CEMIP: variants seen among roughly 807,000 people sequenced by gnomAD.
CEMIP encodes cell migration inducing hyaluronidase 1, also known as cell migration-inducing and hyaluronan-binding protein.
A neutral mutation model predicts 156.9 loss-of-function variants in CEMIP; 105 were observed. That is an observed-to-expected ratio of 0.67 (90% CI 0.57 to 0.79). CEMIP has a LOEUF of 0.79. Ranked by LOEUF, CEMIP falls within the 30% of genes least tolerant of loss-of-function variation. CEMIP has a pLI of 0.00. For synonymous variants in CEMIP, 676 were observed against 668.4 expected (o/e 1.01, Z -0.17); for missense variants, 1,457 against 1,769.4 (o/e 0.82, Z 3.17).
At chr15:80,927,902 G>A (rs759563852) in intron 19 of CEMIP, among the ~76,000 whole-genome samples, 10 of 152,068 alleles carry the variant, frequency 6.6e-5, no homozygotes, top group East Asian at 1.9e-4. Flanking sequence ...AATGGGCTTC[G>A]GAAAAAGAAA....
At chr15:80,843,467 G>A (rs1897474968) in intron 1 of CEMIP, among the ~76,000 whole-genome samples, 1 of 152,216 alleles carries the variant, frequency 6.6e-6, no homozygotes, top group Non-Finnish European at 1.5e-5. Flanking sequence ...ATGGATGACA[G>A]TTCTGGCTGG....
rs1391624412 is a variant in CEMIP at position 80,936,682 on chromosome 15, T to A, written c.3018T>A (p.Ile1006=). The part of the protein sequence containing the change: ...ICSGCYAQMY[I]QAYKTSNLRM... Reference sequence around the variant, plus strand: ...TTTTTGGGTTTTAAAAGATGTACATTCAAGCCTACAAGACCAGTAACCTGC... The same window carrying A: ...TTTTTGGGTTTTAAAAGATGTACATACAAGCCTACAAGACCAGTAACCTGC... The change falls in exon 24 of 30, where the codon ATT becomes ATA. Residue 1006 remains isoleucine, a synonymous_variant. Coordinates refer to ENST00000394685, the MANE Select transcript of CEMIP (RefSeq NM_001293298.2). The A allele has an allele frequency of 6.2e-7, 1 of 1,613,772 alleles. No homozygotes were observed. Among genetic ancestry groups the A allele is most frequent in the South Asian group, 1.1e-5 (1 of 91,088 alleles).
intron 12 of CEMIP, among the ~76,000 whole-genome samples, chr15:80,902,150 G>C (rs1899589745): frequency 6.6e-6 from 1 of 152,148 alleles, no homozygotes; most frequent in Non-Finnish European, 1.5e-5. Context: ...CTTGACCCTG[G>C]GGTACCTAGC....
chr15:80,897,435 G>T, intron 12 of CEMIP: 1 of 436,520 alleles, frequency 2.3e-6, no homozygotes, highest in Non-Finnish European at 4.6e-6. Context: ...AGGTCATGTG[G>T]TGGAGGCAGT....
At chr15:80,924,759 T>G in intron 18 of CEMIP, 53 bp downstream of exon 18, 1 of 1,427,918 alleles carries the variant, frequency 7.0e-7, no homozygotes, top group Non-Finnish European at 9.9e-7. Context: ...GTCCAGCTCC[T>G]GCCTCCCCCT....
At chr15:80,783,759 C>A (rs749302119) in intron 1 of CEMIP, among the ~76,000 whole-genome samples, 5 of 152,216 alleles carry the variant, frequency 3.3e-5, no homozygotes, top group Non-Finnish European at 7.4e-5. Context: ...GCCCCTAGTC[C>A]TTCTTTTTCT....
intron 1 of CEMIP, among the ~76,000 whole-genome samples, chr15:80,786,190 A>T (rs1895932920): frequency 6.6e-6 from 1 of 152,024 alleles, no homozygotes; most frequent in African/African-American, 2.4e-5. Flanking sequence ...TTTGGCAGTC[A>T]TATCAATAGT....
At chr15:80,834,624 C>G (rs748556853) in intron 1 of CEMIP, among the ~76,000 whole-genome samples, 1 of 152,154 alleles carries the variant, frequency 6.6e-6, no homozygotes, top group Non-Finnish European at 1.5e-5. Flanking sequence ...TTTCATTGGT[C>G]CATTTATGTA....
At chr15:80,847,057 G>C (rs1050871713) in intron 1 of CEMIP, among the ~76,000 whole-genome samples, 1 of 152,138 alleles carries the variant, frequency 6.6e-6, no homozygotes, top group Non-Finnish European at 1.5e-5. Flanking sequence ...GAGGTGGGGT[G>C]GGCAGGACAG....
rs7171592 is a variant in CEMIP, at chr15:80,798,134, G to A, written c.-176+18520G>A. On this transcript the variant is annotated intron_variant, in intron 1 of 29. Coordinates refer to ENST00000394685, the MANE Select transcript of CEMIP (RefSeq NM_001293298.2). ...ATAACCGTGTATTTCCTTATCACTT[G>A]GAAAGTACAGAAATGAAAAAGAAAA... Among the ~76,000 whole-genome samples the A allele has an allele frequency of 2.5e-3, 378 of 152,134 alleles. 4 individuals are homozygous for A. Among genetic ancestry groups the A allele is most frequent in the African/African-American group, 8.7e-3 (360 of 41,494 alleles).
intron 1 of CEMIP, among the ~76,000 whole-genome samples, chr15:80,791,806 AGCAGAGGCG>A (rs764942996): frequency 3.9e-5 from 6 of 152,214 alleles, no homozygotes; most frequent in Admixed American, 6.5e-5. Context: ...ACTGACCTGC[AGCAGAGGCG>A]GCAGAGGGAA....
At chr15:80,874,898 A>C (rs1267617088) in intron 3 of CEMIP, among the ~76,000 whole-genome samples, 1 of 152,142 alleles carries the variant, frequency 6.6e-6, no homozygotes, top group Non-Finnish European at 1.5e-5. Flanking sequence ...AGAATCTTAC[A>C]TTGAATTTAT....
intron 25 of CEMIP, among the ~76,000 whole-genome samples, chr15:80,941,444 G>C (rs778189902): frequency 2.0e-5 from 3 of 152,110 alleles, no homozygotes; most frequent in Admixed American, 6.6e-5. Flanking sequence ...ACAATGCTGG[G>C]ATGGAAAATG....
At chr15:80,900,225 A>G (rs888883292) in intron 12 of CEMIP, among the ~76,000 whole-genome samples, 5 of 152,160 alleles carry the variant, frequency 3.3e-5, no homozygotes, top group South Asian at 2.1e-4. Context: ...CTCAGCCTAC[A>G]GTGGGGTTGG....
At chr15:80,786,830 T>C (rs1370080508) in intron 1 of CEMIP, among the ~76,000 whole-genome samples, 1 of 152,172 alleles carries the variant, frequency 6.6e-6, no homozygotes, top group African/African-American at 2.4e-5. Context: ...TCTGTTAATC[T>C]TGTTAAACCT....
chr15:80,945,992 T>C lies in CEMIP; in HGVS notation c.3858-973T>C, dbSNP rs573627204. 1.5e-4 allele frequency among the ~76,000 whole-genome samples: 23 copies of C among 152,374 alleles called. No individual in the cohort carries two copies. The South Asian group carries it at 4.8e-3, about 32-fold the overall frequency. On this transcript the variant is annotated intron_variant, in intron 28 of 29. Transcript: ENST00000394685. ...AAACCTCTGTGTCTTTCAAGCACAT[T>C]TCCCTTTGGTAGGTCCTCTGAGATA...
chr15:80,939,583 T>C (rs1325888973), intron 25 of CEMIP, among the ~76,000 whole-genome samples: 3 of 152,218 alleles, frequency 2.0e-5, no homozygotes, highest in East Asian at 1.9e-4. Context: ...ACTAAGTAAG[T>C]TGAACCTCTT....
chr15:80,905,054 C>T (rs1349852120), intron 12 of CEMIP, among the ~76,000 whole-genome samples: 1 of 152,140 alleles, frequency 6.6e-6, no homozygotes, highest in Non-Finnish European at 1.5e-5. Context: ...ACAGGATATG[C>T]GCAGGGTGAA....
Position 80,873,612 on chromosome 15 carries a change from G to A in CEMIP, c.-101G>A, listed in dbSNP as rs1898367084. 1 of 484,064 alleles carries A rather than the reference G, an allele frequency of 2.1e-6. No individual in the cohort carries two copies. The highest frequency in any genetic ancestry group is 3.8e-6 in the Non-Finnish European group (1 of 263,206). The allele number at this position is 484,064 out of a possible 1,614,324, so 30.0% of individuals were successfully genotyped here. ...ATTCCACCCATCACTCGGTCTCTGA[G>A]CTGCAGGACACAGGCAGGACAACGG... On this transcript the variant is annotated 5_prime_UTR_variant, in exon 2 of 30. Coordinates refer to ENST00000394685, the MANE Select transcript of CEMIP (RefSeq NM_001293298.2).
Sources: gnomAD v4.1 joint callset for allele counts (sites outside exome capture counted in the v4.1 genomes callset) on GRCh38, gnomAD v4.1.1 for gene constraint, MANE v1.5 for transcripts, NCBI Gene and HGNC (gene_info 2026-07-23, HGNC 2026-07-21) for gene names.